IL12RB2: variants seen among roughly 807,000 people sequenced by gnomAD.
The protein encoded by IL12RB2 is interleukin 12 receptor subunit beta 2.
In IL12RB2, 82 loss-of-function variants were observed where a neutral mutation model predicts 89.4. The ratio of observed to expected loss-of-function variants is 0.92; its 90% CI spans 0.77 to 1.10. IL12RB2 has a LOEUF of 1.10. IL12RB2 is among the 50% of genes least tolerant of loss of function. The pLI is 0.00. For synonymous variants in IL12RB2, 368 were observed against 370.1 expected (o/e 0.99, Z 0.07); for missense variants, 963 against 1,031.9 (o/e 0.93, Z 0.92).
chr1:67,385,403 A>G (rs865882152), intron 14 of IL12RB2, among the ~76,000 whole-genome samples: 3 of 152,182 alleles, frequency 2.0e-5, no homozygotes, highest in Admixed American at 1.3e-4. Context: ...CCATGATTCA[A>G]TTACCTCCCA....
chr1:67,315,595 GA>G lies in IL12RB2; in HGVS notation c.-37+1602del, dbSNP rs5774866. On this transcript the variant is annotated intron_variant, in intron 2 of 16. Transcript: ENST00000674203. ...GATTAAATTGACATTAGATTAACAG[GA>G]AAAAAATAATACAAATTTACTCAAC... is the stretch of plus-strand genomic sequence containing the variant. Among the ~76,000 whole-genome samples, 587 of 151,954 alleles carry G rather than the reference GA, an allele frequency of 3.9e-3. 4 individuals are homozygous for G. The highest frequency in any genetic ancestry group is 0.013 in the African/African-American group (553 of 41,446).
intron 11 of IL12RB2, among the ~76,000 whole-genome samples, chr1:67,371,112 A>G (rs1331654175): frequency 2.0e-5 from 3 of 152,212 alleles, no homozygotes; most frequent in African/African-American, 7.2e-5. Context: ...CCCACATTAA[A>G]TATGATTTCA....
chr1:67,349,821 C>T (rs1038062764), intron 9 of IL12RB2, among the ~76,000 whole-genome samples: 2 of 152,198 alleles, frequency 1.3e-5, no homozygotes, highest in African/African-American at 2.4e-5. Context: ...TCCCAGTATG[C>T]TAATTGTTTC....
chr1:67,330,643 A>C lies in IL12RB2; in HGVS notation c.808-17A>C, dbSNP rs1408626101. On this transcript the variant is annotated splice_polypyrimidine_tract_variant and intron_variant, in intron 7 of 16. Transcript: ENST00000674203. ...ATCTAGTATTAATAGGCACTTTAAA[A>C]AAATGTCTGTTTCAAGGTTAATGTT... The C allele has an allele frequency of 7.2e-7, 1 of 1,380,730 alleles. No homozygotes were observed. Among genetic ancestry groups the C allele is most frequent in the Non-Finnish European group, 1.0e-6 (1 of 967,582 alleles). The allele number at this position is 1,380,730 out of a possible 1,614,324, so 85.5% of individuals were successfully genotyped here.
chr1:67,307,870 G>C (rs535591873), upstream of IL12RB2: 1 of 152,080 alleles, frequency 6.6e-6, no homozygotes, highest in East Asian at 1.9e-4. Context: ...CCCGAGCGCC[G>C]GCAGAGAGCG....
intron 11 of IL12RB2, among the ~76,000 whole-genome samples, chr1:67,372,067 C>CGTGTGT (rs112351422): frequency 1.5e-4 from 22 of 151,302 alleles, no homozygotes; most frequent in African/African-American, 4.9e-4. Context: ...AGTCTGGGTG[C>CGTGTGT]GTGTGTGTGT....
At chr1:67,309,045 C>CATATATATATATATAT (rs146292829) in intron 1 of IL12RB2, among the ~76,000 whole-genome samples, 27 of 149,364 alleles carry the variant, frequency 1.8e-4, no homozygotes, top group African/African-American at 6.7e-4. Context: ...CATACATATA[C>CATATATATATATATAT]ATATATATAT....
intron 13 of IL12RB2, among the ~76,000 whole-genome samples, chr1:67,375,134 C>G (rs1043308073): frequency 5.9e-5 from 9 of 152,020 alleles, no homozygotes; most frequent in Non-Finnish European, 1.3e-4. Flanking sequence ...GTGGCTCATG[C>G]CTGTAATCAC....
At chr1:67,382,869 C>T (rs1238147645) in intron 14 of IL12RB2, among the ~76,000 whole-genome samples, 1 of 152,160 alleles carries the variant, frequency 6.6e-6, no homozygotes, top group Non-Finnish European at 1.5e-5. Context: ...CCATGCCCAG[C>T]TAATCAACTC....
In IL12RB2 at chr1:67,395,531, T is replaced by A; in HGVS notation, c.2047-16T>A. On this transcript the variant is annotated splice_polypyrimidine_tract_variant and intron_variant, in intron 16 of 16. Transcript: ENST00000674203. ...TTCTACAGCAGTGTGAGCCTCTTCC[T>A]CCTCCTTTCTCTCAGGAGAAGACAC... is the stretch of plus-strand genomic sequence containing the variant. 1 of 1,614,190 alleles carries A rather than the reference T, an allele frequency of 6.2e-7. No homozygotes were observed. The highest frequency in any genetic ancestry group is 2.2e-5 in the East Asian group (1 of 44,866).
At chr1:67,335,152 T>A (rs1658601717) in intron 8 of IL12RB2, among the ~76,000 whole-genome samples, 1 of 152,240 alleles carries the variant, frequency 6.6e-6, no homozygotes, top group Admixed American at 6.5e-5. Context: ...ATCAATCTTT[T>A]GTTGTTTTTG....
intron 10 of IL12RB2, among the ~76,000 whole-genome samples, chr1:67,361,857 A>G (rs548663230): frequency 7.9e-5 from 12 of 152,340 alleles, no homozygotes; most frequent in African/African-American, 2.9e-4. Flanking sequence ...AAAAAACTGT[A>G]CCTACATACA....
At chr1:67,329,546 C>T (rs1271500576) in intron 6 of IL12RB2, 41 bp from the exon 7 acceptor site, 1 of 1,328,328 alleles carries the variant, frequency 7.5e-7, no homozygotes, top group Non-Finnish European at 1.1e-6. Flanking sequence ...TTGCTGATCA[C>T]AGATCCTGAA....
chr1:67,358,631 G>C (rs1236260016), intron 10 of IL12RB2, among the ~76,000 whole-genome samples: 7 of 151,500 alleles, frequency 4.6e-5, no homozygotes, highest in Admixed American at 1.3e-4. Context: ...AGAGAACTTA[G>C]GTAATAGAGT....
chr1:67,371,597 A>AT (rs1194108667), intron 11 of IL12RB2, among the ~76,000 whole-genome samples: 1 of 152,090 alleles, frequency 6.6e-6, no homozygotes, highest in African/African-American at 2.4e-5. Flanking sequence ...GTATTTCAGG[A>AT]GAGGTATCTA....
intron 10 of IL12RB2, among the ~76,000 whole-genome samples, chr1:67,364,773 C>A (rs879605889): frequency 2.6e-5 from 4 of 152,202 alleles, no homozygotes; most frequent in African/African-American, 9.7e-5. Context: ...TCATTAAAGA[C>A]ATAGTTGAAC....
At chr1:67,336,551 A>G (rs1335451141) in intron 8 of IL12RB2, among the ~76,000 whole-genome samples, 2 of 152,222 alleles carry the variant, frequency 1.3e-5, no homozygotes, top group African/African-American at 4.8e-5. Context: ...CTAAGTCCTC[A>G]CTGCAAAGGT....
In IL12RB2 at chr1:67,398,270, G is replaced by A. The variant is rs1009583153; in HGVS notation, c.*2181G>A. On this transcript the variant is annotated 3_prime_UTR_variant, in exon 17 of 17. Transcript: ENST00000674203. ...CAGACAAGGCCACCTCCTCAGAAGC[G>A]GAACAACCTATTATCTTTTGGCAAT... Among the ~76,000 whole-genome samples the A allele has an allele frequency of 6.6e-5, 10 of 151,950 alleles. No individual in the cohort carries two copies. Among genetic ancestry groups the A allele is most frequent in the South Asian group, 2.1e-4 (1 of 4,806 alleles).
chr1:67,391,969 C>G (rs1382342972), intron 16 of IL12RB2, among the ~76,000 whole-genome samples: 2 of 152,116 alleles, frequency 1.3e-5, no homozygotes, highest in Non-Finnish European at 2.9e-5. Flanking sequence ...TCTTCATTTT[C>G]CGCATGAGGA....
Sources: gnomAD v4.1 joint callset for allele counts (sites outside exome capture counted in the v4.1 genomes callset) on GRCh38, gnomAD v4.1.1 for gene constraint, MANE v1.5 for transcripts, NCBI Gene and HGNC (gene_info 2026-07-23, HGNC 2026-07-21) for gene names.